PDIA6: variants seen among roughly 807,000 people sequenced by gnomAD.
PDIA6 encodes protein disulfide isomerase family A member 6.
Under a neutral mutation model 58.4 loss-of-function variants are expected in PDIA6, and 29 were observed. The observed-to-expected ratio is 0.50, with a 90% confidence interval of 0.37 to 0.68. The LOEUF (loss-of-function observed/expected upper bound fraction) is 0.68, where lower values mean the gene tolerates loss of function less well. PDIA6 is among the 30% of genes least tolerant of loss of function. The pLI is 0.00. For missense variants in PDIA6, 480 were observed against 551.0 expected (o/e 0.87, Z 1.29); for synonymous variants, 192 against 202.6 (o/e 0.95, Z 0.44).
At position 10,784,271 on chromosome 2, in the gene PDIA6, T is replaced by C. The variant is rs144025817; in HGVS notation, c.1310A>G (p.Lys437Arg). 1.8e-4 allele frequency: 289 copies of C among 1,613,114 alleles called. 2 individuals carry two copies. In the African/African-American group the frequency reaches 2.7e-3, roughly 15 times the overall value. Residue 437 changes from lysine to arginine, a missense_variant, in exon 13 of 13, where the codon AAA (lysine) becomes AGA (arginine). By Grantham distance (26) the Lys-to-Arg change is conservative (BLOSUM62 2). Coordinates refer to ENST00000272227, the MANE Select transcript of PDIA6 (RefSeq NM_005742.4). ...LSDVELDDLG[K>R]DEL is the part of the protein sequence containing the mutation. The stretch of plus-strand genomic sequence containing the variant: ...CTGTTGTGGCTCTCACAACTCATCT[T>C]TCCCTAAGTCATCAAGCTCCACATC...
chr2:10,808,283 G>A (rs1686427), intron 1 of PDIA6, among the ~76,000 whole-genome samples: 74,236 of 152,036 alleles, frequency 0.49, 19,671 homozygotes, highest in Middle Eastern at 0.59. Flanking sequence ...ATGCTACTGG[G>A]AGATAAAGTA....
intron 1 of PDIA6, among the ~76,000 whole-genome samples, chr2:10,809,798 G>C (rs933158579): frequency 6.6e-6 from 1 of 151,970 alleles, no homozygotes; most frequent in Non-Finnish European, 1.5e-5. Context: ...TTTCAAAAAT[G>C]GAAAAGCAAA....
chr2:10,797,662 A>G, intron 3 of PDIA6, 38 bp downstream of exon 3: 2 of 1,506,744 alleles, frequency 1.3e-6, no homozygotes, highest in East Asian at 2.3e-5. Context: ...ACTGTAAAAA[A>G]AAGTTTTGTA....
upstream of PDIA6, among the ~76,000 whole-genome samples, chr2:10,832,964 G>T (rs888972288): frequency 4.6e-5 from 7 of 151,950 alleles, no homozygotes; most frequent in Non-Finnish European, 8.8e-5. Flanking sequence ...CGGGACTCTG[G>T]AGGCTCCCAG....
At chr2:10,809,054 C>G (rs191844761) in intron 1 of PDIA6, among the ~76,000 whole-genome samples, 1,698 of 152,222 alleles carry the variant, frequency 0.011, 36 homozygotes, top group African/African-American at 0.038. Flanking sequence ...GGTGATCCGC[C>G]CACCTTGGCC....
chr2:10,818,873 G>A (rs1019426397), intron 2 of PDIA6, among the ~76,000 whole-genome samples: 2 of 151,874 alleles, frequency 1.3e-5, no homozygotes, highest in Non-Finnish European at 2.9e-5. Context: ...CGCTCACATC[G>A]TTGTACAACC....
intron 1 of PDIA6, chr2:10,821,285 A>T (rs1159757486): frequency 6.1e-6 from 1 of 163,730 alleles, no homozygotes; most frequent in African/African-American, 2.4e-5. Context: ...GGAGGGCAAG[A>T]TTCGGTTAAT....
rs140970812 is a variant in PDIA6, at chr2:10,791,337, G to C, written c.584+458C>G. 3.7e-3 allele frequency among the ~76,000 whole-genome samples: 561 copies of C among 151,686 alleles called. 5 individuals are homozygous for C. The highest frequency in any genetic ancestry group is 0.013 in the African/African-American group (542 of 41,292). ...TTTTTTGTATTTTTAGTAGACATGG[G>C]GTTTTGCTATGTTGCCCAGGCTGGT... On this transcript the variant is annotated intron_variant, in intron 6 of 12. Transcript: ENST00000272227.
intron 1 of PDIA6, chr2:10,821,052 A>C: frequency 1.9e-6 from 1 of 528,276 alleles, no homozygotes. Context: ...TGGCCACAGA[A>C]TTTTCAGGTC....
At chr2:10,826,916 T>G (rs1667570336) in intron 1 of PDIA6, among the ~76,000 whole-genome samples, 1 of 152,218 alleles carries the variant, frequency 6.6e-6, no homozygotes, top group Admixed American at 6.5e-5. Flanking sequence ...CACGACCTGC[T>G]GCCTCCATCA....
intron 3 of PDIA6, 131 bp from the exon 4 acceptor site, chr2:10,797,338 AG>A (rs1255822129): frequency 3.6e-6 from 3 of 825,446 alleles, no homozygotes; most frequent in African/African-American, 1.7e-5. Flanking sequence ...TCAGTCAATA[AG>A]GGCTTTAGCC....
Position 10,784,936 on chromosome 2 carries a change from C to A in PDIA6, c.1252G>T (p.Glu418Ter). Residue 418 changes from glutamate to a stop codon, truncating the protein, a stop_gained and splice_region_variant, in exon 12 of 13, where the codon GAG (glutamate) becomes TAG (stop). Coordinates refer to ENST00000272227, the MANE Select transcript of PDIA6 (RefSeq NM_005742.4). LOFTEE classifies it high-confidence loss of function. ...CAGCTTCCCTCCCGGGCACTCACCT[C>A]GCCATCCCTGCCGTCCCAAGGCTCT... ...EREPWDGRDG[E>*]LPVEDDIDLS... 6.3e-7 allele frequency: 1 copy of A among 1,578,292 alleles called. No homozygotes were observed. The highest frequency in any genetic ancestry group is 8.6e-7 in the Non-Finnish European group (1 of 1,159,814).
chr2:10,820,887 C>T (rs1266946678), intron 1 of PDIA6: 4 of 702,656 alleles, frequency 5.7e-6, no homozygotes, highest in Admixed American at 2.0e-5. Flanking sequence ...TATCTTCTCT[C>T]CTCTGGAAGC....
chr2:10,814,534 CTGTT>C (rs1252413940), upstream of PDIA6, among the ~76,000 whole-genome samples: 2 of 152,208 alleles, frequency 1.3e-5, no homozygotes, highest in African/African-American at 4.8e-5. Context: ...GCAATGAATG[CTGTT>C]TGTTTTTCTG....
At chr2:10,796,501 A>G (rs1029951224) in intron 4 of PDIA6, among the ~76,000 whole-genome samples, 30 of 106,252 alleles carry the variant, frequency 2.8e-4, no homozygotes, top group Admixed American at 2.0e-3. Flanking sequence ...TCTGTCTCTT[A>G]AAAAAAAAAA....
intron 1 of PDIA6, among the ~76,000 whole-genome samples, chr2:10,820,332 G>A (rs991813600): frequency 6.6e-6 from 1 of 152,176 alleles, no homozygotes; most frequent in Non-Finnish European, 1.5e-5. Context: ...GACCAGGTGT[G>A]TCATTTGTAT....
chr2:10,787,466 CAA>C (rs1665824168), intron 10 of PDIA6, 27 bp from the exon 11 acceptor site: 2 of 1,591,532 alleles, frequency 1.3e-6, no homozygotes, highest in South Asian at 1.1e-5. Flanking sequence ...GTTTTTAGGG[CAA>C]ATATGTCTTT....
chr2:10,814,758 A>G (rs1227876600), upstream of PDIA6, among the ~76,000 whole-genome samples: 1 of 152,110 alleles, frequency 6.6e-6, no homozygotes, highest in Non-Finnish European at 1.5e-5. Context: ...CACAGACATC[A>G]CAGCTTCCAC....
Position 10,790,785 on chromosome 2 carries a change from C to T in PDIA6, c.633G>A (p.Thr211=), listed in dbSNP as rs145487229. 1.1e-3 allele frequency: 1,793 copies of T among 1,614,184 alleles called. 2 individuals are homozygous for T. Among genetic ancestry groups the T allele is most frequent in the African/African-American group, 1.4e-3 (108 of 75,054 alleles). ...CAGCTGCCAGTTTCACTTTTCCTTT[C>T]GTCTGCTCTTTTACTTCTGAAGCTG... ...AAAASEVKEQ[T]KGKVKLAAVD... The change falls in exon 7 of 13, where the codon ACG becomes ACA. Residue 211 remains threonine (T), a synonymous_variant. Transcript: ENST00000272227.
Sources: gnomAD v4.1 joint callset for allele counts (sites outside exome capture counted in the v4.1 genomes callset) on GRCh38, gnomAD v4.1.1 for gene constraint, MANE v1.5 for transcripts, NCBI Gene and HGNC (gene_info 2026-07-23, HGNC 2026-07-21) for gene names.